The following TYR variants were observed in gnomAD, a reference collection of about 807,000 sequenced individuals.
TYR encodes the protein tyrosinase.
TYR carries 58 observed loss-of-function variants against 51.5 expected under a neutral mutation model. The ratio of observed to expected loss-of-function variants is 1.13; its 90% CI spans 0.91 to 1.40. The LOEUF (loss-of-function observed/expected upper bound fraction) is 1.40. Ranked by LOEUF, TYR falls within the 40% of genes most tolerant of loss-of-function variation. The probability of loss-of-function intolerance (pLI) is 0.00; values close to 1 mark genes in which losing one functional copy is unlikely to be tolerated. For missense variants in TYR, 732 were observed against 647.4 expected, an observed-to-expected ratio of 1.13 and a Z score of -1.42; for synonymous variants, 263 against 235.2, an observed-to-expected ratio of 1.12 and a Z score of -1.08.
At chr11:89,242,410 C>T (rs1374366971) in intron 3 of TYR, among the ~76,000 whole-genome samples, 1 of 152,016 alleles carries the variant, frequency 6.6e-6, no homozygotes, top group East Asian at 1.9e-4. Flanking sequence ...CAGGGTTTCA[C>T]CATTTGGCTA....
chr11:89,196,857 C>T lies in TYR; in HGVS notation c.1036+5439C>T, dbSNP rs569702730. 9.2e-5 allele frequency among the ~76,000 whole-genome samples: 14 copies of T among 152,176 alleles called. No individual in the cohort carries two copies. The East Asian group carries it at 1.2e-3, about 13-fold the overall frequency. On this transcript the variant is annotated intron_variant, in intron 2 of 4. Coordinates refer to ENST00000263321, the MANE Select transcript of TYR (RefSeq NM_000372.5). ...GGCTAAACCAAAATCTAATTCCATT[C>T]GACTTAAATAGAGCCATCCATGAAC...
At chr11:89,220,676 C>T (rs774471234) in intron 2 of TYR, among the ~76,000 whole-genome samples, 4 of 152,028 alleles carry the variant, frequency 2.6e-5, no homozygotes, top group Middle Eastern at 3.2e-3. Context: ...ATCGCTTGAA[C>T]CTGGGAGGCG....
At position 89,227,758 on chromosome 11, in the gene TYR, G is replaced by A. The variant is rs1591168100; in HGVS notation, c.1037-65G>A. ...CAAGTTATAGTTATAAATCAAATGG[G>A]ATAATCACATAGGTTTTCAGTCATT... is the stretch of plus-strand genomic sequence containing the variant. On this transcript the variant is annotated intron_variant, in intron 2 of 4. Coordinates refer to ENST00000263321, the MANE Select transcript of TYR (RefSeq NM_000372.5). 3 of 1,374,756 alleles carry A rather than the reference G, an allele frequency of 2.2e-6. No homozygotes were observed. The East Asian group carries it at 7.0e-5, about 32-fold the overall frequency. 85.2% of individuals were successfully genotyped at this position (1,374,756 alleles called of 1,614,324 possible). A position where few individuals can be genotyped will look rare whatever the true frequency, so the allele number is the denominator to read the frequency against.
intron 4 of TYR, among the ~76,000 whole-genome samples, chr11:89,292,064 A>G (rs575298570): frequency 6.6e-6 from 1 of 152,092 alleles, no homozygotes; most frequent in Admixed American, 6.5e-5. Flanking sequence ...TAAAGCACCC[A>G]TCACTGTTTA....
chr11:89,189,265 T>C (rs1388148143), intron 1 of TYR, among the ~76,000 whole-genome samples: 4 of 152,048 alleles, frequency 2.6e-5, no homozygotes, highest in Non-Finnish European at 4.4e-5. Context: ...ATGTATTGTT[T>C]TGTGATGTAA....
At chr11:89,187,603 G>C (rs1223624008) in intron 1 of TYR, among the ~76,000 whole-genome samples, 7 of 152,032 alleles carry the variant, frequency 4.6e-5, no homozygotes, top group African/African-American at 1.4e-4. Flanking sequence ...TAAGATTTAA[G>C]CTTTAAATCA....
At chr11:89,258,305 A>AT in intron 3 of TYR, among the ~76,000 whole-genome samples, 1 of 152,044 alleles carries the variant, frequency 6.6e-6, no homozygotes. Flanking sequence ...TTAGCTATCT[A>AT]TATCAAATCA....
At chr11:89,277,591 T>A (rs1483592147) in intron 3 of TYR, among the ~76,000 whole-genome samples, 1 of 151,662 alleles carries the variant, frequency 6.6e-6, no homozygotes, top group South Asian at 2.1e-4. Context: ...CACTGAAATG[T>A]CTCAAAAACA....
intron 3 of TYR, among the ~76,000 whole-genome samples, chr11:89,266,433 G>A (rs1944526553): frequency 1.3e-5 from 2 of 151,812 alleles, no homozygotes; most frequent in African/African-American, 4.8e-5. Context: ...CTTATCTACA[G>A]ATATTACCTC....
chr11:89,258,958 T>C (rs1944426456), intron 3 of TYR, among the ~76,000 whole-genome samples: 1 of 152,098 alleles, frequency 6.6e-6, no homozygotes, highest in African/African-American at 2.4e-5. Context: ...TTCTAAGTCA[T>C]ACCTACCGGA....
intron 4 of TYR, among the ~76,000 whole-genome samples, chr11:89,292,064 A>C (rs575298570): frequency 6.6e-6 from 1 of 151,976 alleles, no homozygotes; most frequent in Non-Finnish European, 1.5e-5. Flanking sequence ...TAAAGCACCC[A>C]TCACTGTTTA....
chr11:89,196,690 A>G (rs758013553), intron 2 of TYR, among the ~76,000 whole-genome samples: 7 of 152,210 alleles, frequency 4.6e-5, no homozygotes, highest in Non-Finnish European at 7.4e-5. Flanking sequence ...GTTTATGACT[A>G]TGGAAACTTA....
At chr11:89,251,895 C>A (rs1164488260) in intron 3 of TYR, among the ~76,000 whole-genome samples, 3 of 151,816 alleles carry the variant, frequency 2.0e-5, no homozygotes, top group Non-Finnish European at 4.4e-5. Flanking sequence ...AATGTAATTA[C>A]CTCTAGTACT....
intron 3 of TYR, among the ~76,000 whole-genome samples, chr11:89,276,254 G>A (rs536893251): frequency 1.6e-3 from 244 of 151,888 alleles, no homozygotes; most frequent in African/African-American, 5.7e-3. Context: ...CTGAAATAAG[G>A]AGCATGTTTA....
chr11:89,199,007 G>C (rs1441604787), intron 2 of TYR, among the ~76,000 whole-genome samples: 1 of 152,000 alleles, frequency 6.6e-6, no homozygotes, highest in African/African-American at 2.4e-5. Context: ...GAGAACATGC[G>C]GTGTTTGGTT....
At chr11:89,234,922 C>T (rs1181429196) in intron 3 of TYR, among the ~76,000 whole-genome samples, 1 of 151,612 alleles carries the variant, frequency 6.6e-6, no homozygotes, top group African/African-American at 2.4e-5. Flanking sequence ...AACACACTTG[C>T]CAAACACCAG....
intron 3 of TYR, among the ~76,000 whole-genome samples, chr11:89,237,158 T>A (rs1374915989): frequency 6.6e-6 from 1 of 152,180 alleles, no homozygotes; most frequent in Non-Finnish European, 1.5e-5. Context: ...TTTATTTTTA[T>A]CTCCTCATCT....
intron 3 of TYR, among the ~76,000 whole-genome samples, chr11:89,279,620 T>A (rs1194828765): frequency 6.6e-6 from 1 of 151,796 alleles, no homozygotes; most frequent in African/African-American, 2.4e-5. Flanking sequence ...ATGCTTTTCT[T>A]TGTTAATCTG....
At chr11:89,224,206 G>A (rs992120682) in intron 2 of TYR, among the ~76,000 whole-genome samples, 1 of 152,076 alleles carries the variant, frequency 6.6e-6, no homozygotes, top group African/African-American at 2.4e-5. Flanking sequence ...TTGGTTAGCA[G>A]CAACTATTTA....
Sources: gnomAD v4.1 joint callset for allele counts (sites outside exome capture counted in the v4.1 genomes callset) on GRCh38, gnomAD v4.1.1 for gene constraint, MANE v1.5 for transcripts, NCBI Gene and HGNC (gene_info 2026-07-23, HGNC 2026-07-21) for gene names.